The following TNRC18 variants were observed in gnomAD, a reference collection of about 807,000 sequenced individuals.
TNRC18 encodes trinucleotide repeat-containing gene 18 protein.
Under a neutral mutation model 226.7 loss-of-function variants are expected in TNRC18, and 69 were observed. The observed-to-expected ratio is 0.30, with a 90% confidence interval of 0.25 to 0.37. TNRC18 has a LOEUF of 0.37. Among genes scored for constraint, TNRC18 ranks in the 10% least tolerant of loss-of-function variants. TNRC18 has a pLI of 1.00. For synonymous variants in TNRC18, 2,449 were observed against 1,927.6 expected, an observed-to-expected ratio of 1.27 and a Z score of -7.09; for missense variants, 4,754 against 4,256.6, an observed-to-expected ratio of 1.12 and a Z score of -3.25.
At chr7:5,418,888 G>C (rs1213755165) in intron 2 of TNRC18, among the ~76,000 whole-genome samples, 2 of 152,232 alleles carry the variant, frequency 1.3e-5, no homozygotes, top group Non-Finnish European at 2.9e-5. Context: ...TTGGCTCTGG[G>C]CGTTGGCCTG....
chr7:5,406,869 A>C lies in TNRC18; in HGVS notation c.188-12274T>G, dbSNP rs566580936. On this transcript the variant is annotated intron_variant, in intron 2 of 29. Transcript: ENST00000430969. Reference sequence around the variant, plus strand: ...CTGTCTCAAAAAAAAAAAAGAAAGAAAGAAAAGAAAAAAGAAAAGAAAAGA... The same window carrying C: ...CTGTCTCAAAAAAAAAAAAGAAAGACAGAAAAGAAAAAAGAAAAGAAAAGA... Among the ~76,000 whole-genome samples, 5 of 152,008 alleles carry C rather than the reference A, an allele frequency of 3.3e-5. No individual in the cohort carries two copies. The East Asian group carries it at 7.7e-4, about 23-fold the overall frequency.
intron 17 of TNRC18, among the ~76,000 whole-genome samples, chr7:5,347,904 G>A (rs1288702018): frequency 1.3e-5 from 2 of 152,078 alleles, no homozygotes; most frequent in African/African-American, 4.8e-5. Flanking sequence ...ACAGTGAGCC[G>A]CGATCGCCAC....
At position 5,312,040 on chromosome 7, in the gene TNRC18, G is replaced by A. The variant is rs547697481; in HGVS notation, c.8388+463C>T. On this transcript the variant is annotated intron_variant, in intron 27 of 29. Coordinates refer to ENST00000430969, the MANE Select transcript of TNRC18 (RefSeq NM_001080495.3). This position sits in a 1 kb window ranked among gnomAD's most constrained non-coding sequence, Gnocchi z 6.3. The stretch of plus-strand genomic sequence containing the variant: ...AATCCCAGCTACTTGGGAGGCTGAC[G>A]CAGGAGAATTGCTTGAACCCGGGAG... 2.6e-5 allele frequency among the ~76,000 whole-genome samples: 4 copies of A among 152,154 alleles called. No individual in the cohort carries two copies. Among genetic ancestry groups the A allele is most frequent in the Non-Finnish European group, 4.4e-5 (3 of 68,036 alleles).
intron 26 of TNRC18, among the ~76,000 whole-genome samples, chr7:5,314,262 G>A (rs956109565): frequency 4.6e-5 from 7 of 151,950 alleles, no homozygotes; most frequent in Non-Finnish European, 7.4e-5. Flanking sequence ...GGACCACTGC[G>A]CCCAGCAGAA....
At chr7:5,308,816 C>T in intron 29 of TNRC18, 59 bp downstream of exon 29, 1 of 1,533,754 alleles carries the variant, frequency 6.5e-7, no homozygotes, top group Non-Finnish European at 8.8e-7. Context: ...CCTGTCTGAG[C>T]TGCCCGGAAG....
intron 17 of TNRC18, among the ~76,000 whole-genome samples, chr7:5,348,304 G>C (rs1390846118): frequency 6.6e-6 from 1 of 152,210 alleles, no homozygotes; most frequent in Non-Finnish European, 1.5e-5. Flanking sequence ...TCACGGACCA[G>C]AGTGCTGGGA....
rs755318609 is a variant in TNRC18 at position 5,307,614 on chromosome 7, C to T, written c.*492G>A. On this transcript the variant is annotated 3_prime_UTR_variant, in exon 30 of 30. Transcript: ENST00000430969. ...TGGCACAGTCAGGTAGGCCAGCTGGCATCGGGCTGCCCTGTCCCATGCACG... is the reference window on the plus strand; with the variant it reads ...TGGCACAGTCAGGTAGGCCAGCTGGTATCGGGCTGCCCTGTCCCATGCACG... 4.5e-6 allele frequency: 2 copies of T among 441,578 alleles called. No individual in the cohort carries two copies. Among genetic ancestry groups the T allele is most frequent in the South Asian group, 3.2e-5 (2 of 62,336 alleles). 27.4% of individuals were successfully genotyped at this position (441,578 alleles called of 1,614,324 possible).
At chr7:5,316,133 A>T in intron 24 of TNRC18, 61 bp from the exon 25 acceptor site, 5 of 1,342,682 alleles carry the variant, frequency 3.7e-6, no homozygotes, top group Non-Finnish European at 5.2e-6. Context: ...AGTGACGCAC[A>T]AGGGTCAGGA....
intron 11 of TNRC18, among the ~76,000 whole-genome samples, chr7:5,365,118 T>C (rs1320009690): frequency 1.3e-5 from 2 of 152,144 alleles, no homozygotes; most frequent in South Asian, 2.1e-4. Flanking sequence ...ATTTAGATTG[T>C]TTCCTGTCTT....
chr7:5,330,381 C>G (rs1789390652), intron 19 of TNRC18, among the ~76,000 whole-genome samples: 1 of 151,860 alleles, frequency 6.6e-6, no homozygotes, highest in Non-Finnish European at 1.5e-5. Flanking sequence ...AGGCACTGAT[C>G]ACCACCACTC....
chr7:5,308,750 G>C (rs1332794175), intron 29 of TNRC18, 125 bp downstream of exon 29: 1 of 1,017,922 alleles, frequency 9.8e-7, no homozygotes, highest in African/African-American at 1.6e-5. Flanking sequence ...GCAGGGACAG[G>C]AGGTCAGAGG....
At chr7:5,336,208 A>C (rs966261924) in intron 18 of TNRC18, among the ~76,000 whole-genome samples, 2 of 144,940 alleles carry the variant, frequency 1.4e-5, no homozygotes, top group Non-Finnish European at 3.0e-5. Flanking sequence ...CTCTGTTTTA[A>C]AAAAAAAAAA....
chr7:5,418,463 CG>C (rs1554306641), intron 2 of TNRC18, among the ~76,000 whole-genome samples: 2 of 152,142 alleles, frequency 1.3e-5, no homozygotes, highest in African/African-American at 2.4e-5. Context: ...GATTCCTCCC[CG>C]GGGATCTTTC....
intron 5 of TNRC18, among the ~76,000 whole-genome samples, chr7:5,385,214 C>T (rs539705279): frequency 2.6e-5 from 4 of 152,044 alleles, no homozygotes; most frequent in Non-Finnish European, 4.4e-5. Context: ...TGGCTGGGCG[C>T]GGTGGCTCAC....
chr7:5,347,943 A>C (rs1791373078), intron 17 of TNRC18, among the ~76,000 whole-genome samples: 1 of 152,108 alleles, frequency 6.6e-6, no homozygotes, highest in African/African-American at 2.4e-5. Flanking sequence ...ACAGAGCAAG[A>C]CTCCGTCTCA....
intron 18 of TNRC18, among the ~76,000 whole-genome samples, chr7:5,335,154 T>G (rs563982529): frequency 1.1e-4 from 16 of 151,210 alleles, no homozygotes; most frequent in African/African-American, 3.9e-4. Flanking sequence ...AATACAAAAA[T>G]TAGCCGGGCA....
intron 25 of TNRC18, among the ~76,000 whole-genome samples, chr7:5,315,580 C>T (rs1274813561): frequency 1.1e-4 from 16 of 152,114 alleles, no homozygotes; most frequent in African/African-American, 2.9e-4. Flanking sequence ...CATGTCACCA[C>T]GCCCGGCTAA....
rs1203976291 is a variant in TNRC18, at chr7:5,324,810, G to C, written c.6300+286C>G. Among the ~76,000 whole-genome samples, 1 of 152,196 alleles carries C rather than the reference G, an allele frequency of 6.6e-6. No homozygotes were observed. The highest frequency in any genetic ancestry group is 1.5e-5 in the Non-Finnish European group (1 of 68,040). ...TCACCCAAGCCTGAGGGCCCTGTGA[G>C]GACCTGGTGCTGGGCTGGGGGCCTG... On this transcript the variant is annotated intron_variant, in intron 20 of 29. Coordinates refer to ENST00000430969, the MANE Select transcript of TNRC18 (RefSeq NM_001080495.3). The surrounding 1 kb of genome is among the most constrained non-coding windows in gnomAD (Gnocchi z 4.8).
intron 5 of TNRC18, among the ~76,000 whole-genome samples, chr7:5,379,463 G>A (rs1779245628): frequency 6.6e-6 from 1 of 152,190 alleles, no homozygotes. Flanking sequence ...TGGGTGGAGG[G>A]GGTGGCCTTG....
Sources: gnomAD v4.1 joint callset for allele counts (sites outside exome capture counted in the v4.1 genomes callset) on GRCh38, gnomAD v4.1.1 for gene constraint, Gnocchi (gnomAD v3.1) non-coding constraint, MANE v1.5 for transcripts, NCBI Gene and HGNC (gene_info 2026-07-23, HGNC 2026-07-21) for gene names.